The following SCAP variants were observed in gnomAD, a reference collection of about 807,000 sequenced individuals.
SCAP encodes the protein sterol regulatory element-binding protein cleavage-activating protein.
Under a neutral mutation model 123.6 loss-of-function variants are expected in SCAP, and 65 were observed. That is an observed-to-expected ratio of 0.53 (90% CI 0.43 to 0.65). The LOEUF (loss-of-function observed/expected upper bound fraction) is 0.65. SCAP is among the 30% of genes least tolerant of loss of function. The pLI is 0.00. For synonymous variants in SCAP, 740 were observed against 726.3 expected (o/e 1.02, Z -0.30); for missense variants, 1,398 against 1,712.5 (o/e 0.82, Z 3.24).
chr3:47,474,040 C>T (rs914384676), intron 1 of SCAP, among the ~76,000 whole-genome samples: 1 of 151,660 alleles, frequency 6.6e-6, no homozygotes, highest in Non-Finnish European at 1.5e-5. Context: ...CCGAAGCGGA[C>T]GGATCATGAG....
intron 7 of SCAP, 31 bp downstream of exon 7, chr3:47,425,966 A>G: frequency 6.2e-7 from 1 of 1,612,794 alleles, no homozygotes. Context: ...TAGCTTGGAG[A>G]AAGCCCTCAG....
intron 1 of SCAP, among the ~76,000 whole-genome samples, chr3:47,460,267 A>G (rs527721420): frequency 2.0e-5 from 3 of 152,364 alleles, no homozygotes; most frequent in African/African-American, 7.2e-5. Context: ...TTACGAAGAT[A>G]ACAGGATTAA....
chr3:47,441,007 T>C (rs1359941475), intron 2 of SCAP, among the ~76,000 whole-genome samples: 1 of 151,976 alleles, frequency 6.6e-6, no homozygotes, highest in African/African-American at 2.4e-5. Flanking sequence ...GTTCAAGTGA[T>C]TCTCCTGCCT....
In SCAP at chr3:47,444,022, CT is replaced by C. The variant is rs148094871; in HGVS notation, c.-98-932del. Among the ~76,000 whole-genome samples the C allele has an allele frequency of 8.1e-3, 1,238 of 152,186 alleles. 7 individuals carry two copies. The highest frequency in any genetic ancestry group is 0.011 in the Non-Finnish European group (772 of 67,968). On this transcript the variant is annotated intron_variant, in intron 1 of 22. Transcript: ENST00000265565. ...TCCTTTCTGAGGACTGGCTCATCAA[CT>C]TTTTTTTCCGTTTTGTAAGCTATTC...
intron 1 of SCAP, among the ~76,000 whole-genome samples, chr3:47,444,089 A>C (rs565639074): frequency 6.6e-6 from 1 of 152,284 alleles, no homozygotes; most frequent in African/African-American, 2.4e-5. Context: ...TATGTTGGCC[A>C]AAGTTAATTT....
chr3:47,441,601 A>G (rs1706807600), intron 2 of SCAP, among the ~76,000 whole-genome samples: 1 of 152,202 alleles, frequency 6.6e-6, no homozygotes, highest in Admixed American at 6.5e-5. Flanking sequence ...ATCTTGTACA[A>G]CACAATTTAG....
rs34472664 is a variant in SCAP at position 47,473,080 on chromosome 3, C to CAAAAAAAAAAAAAAAAA, written c.-99+2702_-99+2718dup. On this transcript the variant is annotated intron_variant, in intron 1 of 22. Coordinates refer to ENST00000265565, the MANE Select transcript of SCAP (RefSeq NM_012235.4). Reference sequence around the variant, plus strand: ...GGGCAAGAAGAGCGAAACTCCATCTCAAAAAAAAAAAAAAAAAAACAGACT... The same window carrying CAAAAAAAAAAAAAAAAA: ...GGGCAAGAAGAGCGAAACTCCATCTCAAAAAAAAAAAAAAAAAAAAAAAAAAAAAAAAAAAACAGACT... 6.8e-4 allele frequency among the ~76,000 whole-genome samples: 26 copies of CAAAAAAAAAAAAAAAAA among 38,054 alleles called. 3 individuals are homozygous for CAAAAAAAAAAAAAAAAA. The highest frequency in any genetic ancestry group is 2.4e-3 in the African/African-American group (21 of 8,586). The allele number at this position is 38,054 out of a possible 152,430, so 25.0% of individuals were successfully genotyped here. A position where few individuals can be genotyped will look rare whatever the true frequency, so the allele number is the denominator to read the frequency against.
chr3:47,470,837 G>A (rs2108031047), intron 1 of SCAP, among the ~76,000 whole-genome samples: 1 of 152,220 alleles, frequency 6.6e-6, no homozygotes, highest in African/African-American at 2.4e-5. Context: ...ACTCCAGCCT[G>A]GGCGACAAGA....
At chr3:47,467,734 C>T (rs1707875999) in intron 1 of SCAP, among the ~76,000 whole-genome samples, 1 of 152,110 alleles carries the variant, frequency 6.6e-6, no homozygotes, top group African/African-American at 2.4e-5. Context: ...CAATGAGATA[C>T]CAATTCCCAC....
At chr3:47,426,835 G>C (rs564599656) in intron 6 of SCAP, among the ~76,000 whole-genome samples, 53 of 152,312 alleles carry the variant, frequency 3.5e-4, no homozygotes, top group African/African-American at 1.2e-3. Context: ...CACTGGGAAG[G>C]ACACAGGCCA....
chr3:47,422,299 A>G lies in SCAP; in HGVS notation c.1245+143T>C, dbSNP rs912271993. 2.3e-5 allele frequency: 16 copies of G among 693,036 alleles called. No homozygotes were observed. The Admixed American group carries it at 3.3e-4, about 14-fold the overall frequency. 42.9% of individuals were successfully genotyped at this position (693,036 alleles called of 1,614,324 possible). ...CAGGGGCCATCTGGGTGCTGTAGTG[A>G]TCTGCTTGCCAGGCAAAGAGGTCCC... is the stretch of plus-strand genomic sequence containing the variant. On this transcript the variant is annotated intron_variant, in intron 10 of 22. Coordinates refer to ENST00000265565, the MANE Select transcript of SCAP (RefSeq NM_012235.4).
chr3:47,469,077 T>C (rs1280660484), intron 1 of SCAP, among the ~76,000 whole-genome samples: 1 of 152,232 alleles, frequency 6.6e-6, no homozygotes, highest in Non-Finnish European at 1.5e-5. Flanking sequence ...GCCAGGCACG[T>C]TGGCTCACAC....
Position 47,414,392 on chromosome 3 carries a change from G to A in SCAP, c.3388-6C>T, listed in dbSNP as rs1360109840. 1.9e-6 allele frequency: 3 copies of A among 1,612,372 alleles called. No homozygotes were observed. Among genetic ancestry groups the A allele is most frequent in the South Asian group, 2.2e-5 (2 of 91,076 alleles). ...CCACTGGCCAGCACCATGGTCTGGG[G>A]AAACAGGCCAGGGGAGTGGGGTCAC... On this transcript the variant is annotated splice_polypyrimidine_tract_variant and splice_region_variant and intron_variant, in intron 21 of 22. Coordinates refer to ENST00000265565, the MANE Select transcript of SCAP (RefSeq NM_012235.4).
At chr3:47,459,957 A>C (rs1050420608) in intron 1 of SCAP, among the ~76,000 whole-genome samples, 3 of 152,156 alleles carry the variant, frequency 2.0e-5, no homozygotes, top group Non-Finnish European at 4.4e-5. Context: ...TAGACCTCCC[A>C]CCAGGAATGC....
At chr3:47,453,069 C>G (rs914553409) in intron 1 of SCAP, among the ~76,000 whole-genome samples, 1 of 152,082 alleles carries the variant, frequency 6.6e-6, no homozygotes, top group Admixed American at 6.6e-5. Flanking sequence ...GCACTCTAGC[C>G]TGGGCAGAAG....
intron 2 of SCAP, among the ~76,000 whole-genome samples, chr3:47,440,302 C>T (rs1055530261): frequency 6.6e-6 from 1 of 152,176 alleles, no homozygotes; most frequent in African/African-American, 2.4e-5. Flanking sequence ...CACTGCTCTG[C>T]TGCTCTGGAC....
At chr3:47,428,889 G>A in intron 3 of SCAP, 1 of 485,958 alleles carries the variant, frequency 2.1e-6, no homozygotes, top group Non-Finnish European at 3.6e-6. Context: ...AAAAGAACTG[G>A]CTGAAATAAG....
chr3:47,472,242 G>A lies in SCAP; in HGVS notation c.-99+3557C>T, dbSNP rs977167081. ...AGGTCAGGAGATCGAGACCATCCTG[G>A]CTAACAAGGTGAAACCCCGTCTCTA... is the stretch of plus-strand genomic sequence containing the variant. On this transcript the variant is annotated intron_variant, in intron 1 of 22. Coordinates refer to ENST00000265565, the MANE Select transcript of SCAP (RefSeq NM_012235.4). Among the ~76,000 whole-genome samples the A allele has an allele frequency of 2.2e-4, 33 of 150,900 alleles. 1 individual carries two copies. The highest frequency in any genetic ancestry group is 7.8e-4 in the African/African-American group (32 of 41,166).
intron 1 of SCAP, among the ~76,000 whole-genome samples, chr3:47,471,871 T>C (rs1156339660): frequency 3.3e-5 from 5 of 152,080 alleles, no homozygotes; most frequent in African/African-American, 9.7e-5. Flanking sequence ...ATTATTATGG[T>C]GGTTCATGCC....
Sources: gnomAD v4.1 joint callset for allele counts (sites outside exome capture counted in the v4.1 genomes callset) on GRCh38, gnomAD v4.1.1 for gene constraint, MANE v1.5 for transcripts, NCBI Gene and HGNC (gene_info 2026-07-23, HGNC 2026-07-21) for gene names.